ITCH: variants seen among roughly 807,000 people sequenced by gnomAD.
ITCH encodes the protein E3 ubiquitin-protein ligase Itchy homolog.
In ITCH, 28 loss-of-function variants were observed where a neutral mutation model predicts 126.8. The ratio of observed to expected loss-of-function variants is 0.22; its 90% CI spans 0.16 to 0.30. The LOEUF (loss-of-function observed/expected upper bound fraction) is 0.30. ITCH is among the 10% of genes least tolerant of loss of function. The pLI, the probability that ITCH is intolerant of heterozygous loss-of-function variation, is 1.00. For missense variants in ITCH, 631 were observed against 1,032.4 expected, an observed-to-expected ratio of 0.61 and a Z score of 5.33; for synonymous variants, 342 against 340.0, an observed-to-expected ratio of 1.01 and a Z score of -0.06.
chr20:34,436,190 T>C (rs1982983727), intron 7 of ITCH, among the ~76,000 whole-genome samples: 1 of 152,232 alleles, frequency 6.6e-6, no homozygotes, highest in Admixed American at 6.5e-5. Context: ...CTCCCTCACA[T>C]ATCCCTAAAA....
intron 6 of ITCH, chr20:34,417,236 A>G: frequency 1.6e-6 from 1 of 620,328 alleles, no homozygotes; most frequent in Non-Finnish European, 2.9e-6. Flanking sequence ...AGCTGGGTTT[A>G]CAGGTATGCA....
chr20:34,405,543 A>G (rs2039030799), intron 3 of ITCH, among the ~76,000 whole-genome samples: 1 of 152,152 alleles, frequency 6.6e-6, no homozygotes. Flanking sequence ...GAAAGCCCCA[A>G]CAGGGGCAGA....
Position 34,440,191 on chromosome 20 carries a change from G to T in ITCH, c.716G>T (p.Ser239Ile), listed in dbSNP as rs145113977. ...GGTTCACCATCTGCCACTTCTGAAA[G>T]TGATGGGTCTAGTACAGGCTCTCTG... ...VNGSPSATSE[S>I]DGSSTGSLPP... Residue 239 changes from serine (S) to isoleucine (I), a missense_variant, in exon 9 of 25, where the codon AGT (serine) becomes ATT (isoleucine). Ser to Ile is a moderately radical substitution (Grantham distance 142). Coordinates refer to ENST00000374864, the MANE Select transcript of ITCH (RefSeq NM_031483.7). 23 of 1,613,704 alleles carry T rather than the reference G, an allele frequency of 1.4e-5. No individual in the cohort carries two copies. The East Asian group carries it at 4.5e-4, about 31-fold the overall frequency.
intron 16 of ITCH, 51 bp downstream of exon 16, chr20:34,471,566 C>A (rs1987623080): frequency 8.9e-7 from 1 of 1,120,052 alleles, no homozygotes; most frequent in Non-Finnish European, 1.4e-6. Context: ...AGCTTAGGAC[C>A]CGCTTTTGGT....
chr20:34,389,173 A>T (rs1319074096), intron 2 of ITCH, among the ~76,000 whole-genome samples: 1 of 151,892 alleles, frequency 6.6e-6, no homozygotes, highest in African/African-American at 2.4e-5. Context: ...TTTATTTTTT[A>T]TTATTTTTTA....
intron 7 of ITCH, among the ~76,000 whole-genome samples, chr20:34,437,615 T>C (rs1983192044): frequency 6.6e-6 from 1 of 152,202 alleles, no homozygotes; most frequent in African/African-American, 2.4e-5. Flanking sequence ...CCTCTGTTAG[T>C]TGAATCTATT....
At chr20:34,454,078 T>C (rs188773002) in intron 12 of ITCH, among the ~76,000 whole-genome samples, 16 of 152,162 alleles carry the variant, frequency 1.1e-4, no homozygotes, top group African/African-American at 3.9e-4. Flanking sequence ...TGCCAAGACA[T>C]GAACTTATCT....
chr20:34,393,531 CTG>C (rs536439680), intron 2 of ITCH, among the ~76,000 whole-genome samples: 154 of 152,222 alleles, frequency 1.0e-3, no homozygotes, highest in African/African-American at 3.6e-3. Context: ...AAGGAACAAT[CTG>C]TGTGGTAGGA....
At chr20:34,428,836 G>C (rs1047438843) in intron 7 of ITCH, among the ~76,000 whole-genome samples, 5 of 152,186 alleles carry the variant, frequency 3.3e-5, no homozygotes, top group Non-Finnish European at 7.3e-5. Context: ...CTTATTTATA[G>C]GTCAGATGTA....
chr20:34,467,814 T>A (rs1262692795), intron 14 of ITCH, among the ~76,000 whole-genome samples: 8 of 151,718 alleles, frequency 5.3e-5, no homozygotes, highest in Admixed American at 5.3e-4. Flanking sequence ...GCCTCCTGAT[T>A]AGCTGGGATT....
At chr20:34,498,252 T>C (rs1214658506) in intron 23 of ITCH, among the ~76,000 whole-genome samples, 2 of 152,192 alleles carry the variant, frequency 1.3e-5, no homozygotes, top group Middle Eastern at 6.3e-3. Flanking sequence ...TTTAAGGTTT[T>C]CTGTATATAA....
intron 23 of ITCH, among the ~76,000 whole-genome samples, chr20:34,496,466 CTA>C (rs1487944804): frequency 6.6e-6 from 1 of 152,134 alleles, no homozygotes; most frequent in African/African-American, 2.4e-5. Flanking sequence ...CCCAATTTGT[CTA>C]TTTTTATTTT....
Position 34,408,842 on chromosome 20 carries a change from G to T in ITCH, c.212+50G>T, listed in dbSNP as rs200884272. 52 of 1,566,916 alleles carry T rather than the reference G, an allele frequency of 3.3e-5. No homozygotes were observed. In the African/African-American group the frequency reaches 6.0e-4, roughly 18 times the overall value. On this transcript the variant is annotated intron_variant, in intron 4 of 24. Transcript: ENST00000374864. The stretch of plus-strand genomic sequence containing the variant: ...AGTATGTTTTGTTTAGTAGATGATT[G>T]GAAATACAATTTAAAAAAATGTTTC...
intron 4 of ITCH, among the ~76,000 whole-genome samples, chr20:34,409,536 C>T (rs113965722): frequency 2.2e-3 from 334 of 152,248 alleles, no homozygotes; most frequent in African/African-American, 6.3e-3. Context: ...TTTTATTCTA[C>T]AACTTTCTTT....
At chr20:34,438,282 G>A (rs1983280845) in intron 7 of ITCH, among the ~76,000 whole-genome samples, 192 bp from the exon 8 acceptor site, 1 of 152,134 alleles carries the variant, frequency 6.6e-6, no homozygotes, top group African/African-American at 2.4e-5. Context: ...ATCTCTAGAT[G>A]AACTCTGGGG....
chr20:34,459,105 A>G (rs1357033075), intron 13 of ITCH, among the ~76,000 whole-genome samples: 1 of 152,188 alleles, frequency 6.6e-6, no homozygotes, highest in East Asian at 1.9e-4. Context: ...CCAACTGTCT[A>G]CAAATTTGGG....
intron 6 of ITCH, among the ~76,000 whole-genome samples, chr20:34,418,919 G>T (rs979042611): frequency 6.6e-6 from 1 of 151,654 alleles, no homozygotes; most frequent in Non-Finnish European, 1.5e-5. Flanking sequence ...GCGCCACCAC[G>T]CCCGACTAAT....
intron 2 of ITCH, among the ~76,000 whole-genome samples, chr20:34,375,696 ATTT>A (rs5841171): frequency 2.2e-3 from 141 of 65,488 alleles, no homozygotes; most frequent in African/African-American, 9.8e-3. Context: ...GGTAGTTAAA[ATTT>A]TTTTTTTTTT....
In ITCH at chr20:34,365,972, G is replaced by A. The variant is rs75514862; in HGVS notation, c.-99+2623G>A. Among the ~76,000 whole-genome samples, 1,375 of 152,272 alleles carry A rather than the reference G, an allele frequency of 9.0e-3. 21 individuals are homozygous for A. The highest frequency in any genetic ancestry group is 0.031 in the African/African-American group (1,300 of 41,540). On this transcript the variant is annotated intron_variant, in intron 1 of 24. Transcript: ENST00000374864. ...GTCAAAAAGCTTTGAGACGAAAGAG[G>A]AAGTGGCCAATTCTGTGTGTGTGGC...
Sources: gnomAD v4.1 joint callset for allele counts (sites outside exome capture counted in the v4.1 genomes callset) on GRCh38, gnomAD v4.1.1 for gene constraint, MANE v1.5 for transcripts, NCBI Gene and HGNC (gene_info 2026-07-23, HGNC 2026-07-21) for gene names.